Variants in CDH4 observed in about 807,000 individuals in gnomAD.
CDH4 encodes the protein cadherin-4.
Under a neutral mutation model 86.0 loss-of-function variants are expected in CDH4, and 33 were observed. The observed-to-expected ratio is 0.38, with a 90% CI of 0.29 to 0.51. The LOEUF is 0.51. Among genes scored for constraint, CDH4 ranks in the 20% least tolerant of loss-of-function variants. The pLI, the probability that CDH4 is intolerant of heterozygous loss-of-function variation, is 0.86. For synonymous variants in CDH4, 555 were observed against 549.4 expected (o/e 1.01, Z -0.14); for missense variants, 1,114 against 1,307.4 (o/e 0.85, Z 2.28).
chr20:61,648,574 C>G (rs1020187408), intron 2 of CDH4, among the ~76,000 whole-genome samples: 3 of 152,164 alleles, frequency 2.0e-5, no homozygotes, highest in African/African-American at 7.2e-5. Context: ...TTGCTCTCGC[C>G]CATCCTTTTC....
chr20:61,445,664 C>A (rs1001574812), intron 2 of CDH4, among the ~76,000 whole-genome samples: 1 of 152,182 alleles, frequency 6.6e-6, no homozygotes, highest in Admixed American at 6.5e-5. Flanking sequence ...AATTTTCTCA[C>A]CAACTTCAGA....
intron 2 of CDH4, among the ~76,000 whole-genome samples, chr20:61,309,776 A>G (rs1468151053): frequency 3.5e-5 from 2 of 57,706 alleles, no homozygotes; most frequent in Admixed American, 2.5e-4. Flanking sequence ...ACATATAGCA[A>G]GTGCCAGGCC....
chr20:61,842,830 T>C (rs1982238657), intron 4 of CDH4, among the ~76,000 whole-genome samples: 1 of 152,208 alleles, frequency 6.6e-6, no homozygotes, highest in Admixed American at 6.5e-5. Context: ...TTTGGTTTGT[T>C]GGCTGTAATT....
intron 7 of CDH4, among the ~76,000 whole-genome samples, chr20:61,886,286 G>A (rs983765170): frequency 6.6e-6 from 1 of 152,204 alleles, no homozygotes. Context: ...TATGGCCAGG[G>A]CACGCTCGAC....
At chr20:61,337,287 CACT>C (rs371717246) in intron 2 of CDH4, among the ~76,000 whole-genome samples, 2 of 162 alleles carry the variant, frequency 0.012, no homozygotes, top group East Asian at 0.17. Context: ...ATGATAATAA[CACT>C]AATGGTGATG....
chr20:61,615,212 C>T (rs771042646), intron 2 of CDH4, among the ~76,000 whole-genome samples: 22 of 151,984 alleles, frequency 1.4e-4, no homozygotes, highest in Non-Finnish European at 2.8e-4. Flanking sequence ...GCCTCCACAT[C>T]CTGGGTTCAA....
intron 2 of CDH4, among the ~76,000 whole-genome samples, chr20:61,457,626 C>T (rs1042140676): frequency 6.6e-6 from 1 of 151,902 alleles, no homozygotes; most frequent in African/African-American, 2.4e-5. Context: ...AGTGCTGGCA[C>T]TGGTGGTGGT....
chr20:61,303,394 G>A (rs912256622), intron 2 of CDH4, among the ~76,000 whole-genome samples: 1 of 152,208 alleles, frequency 6.6e-6, no homozygotes, highest in African/African-American at 2.4e-5. Context: ...GGGCAGGGGT[G>A]GGGGACAGCA....
At chr20:61,638,069 A>G (rs1328466519) in intron 2 of CDH4, among the ~76,000 whole-genome samples, 1 of 151,612 alleles carries the variant, frequency 6.6e-6, no homozygotes, top group African/African-American at 2.4e-5. Context: ...AGAGTCGGGG[A>G]GTGAGATCAC....
At chr20:61,715,713 C>T (rs188218048) in intron 2 of CDH4, among the ~76,000 whole-genome samples, 83 of 152,310 alleles carry the variant, frequency 5.4e-4, no homozygotes, top group Admixed American at 4.8e-3. Flanking sequence ...GTCTGGGGAC[C>T]CCTGAGACTG....
intron 2 of CDH4, among the ~76,000 whole-genome samples, chr20:61,730,346 C>G (rs1479621996): frequency 6.6e-6 from 1 of 152,152 alleles, no homozygotes; most frequent in Non-Finnish European, 1.5e-5. Context: ...CTCCCACGGT[C>G]CTTTCACTGT....
intron 4 of CDH4, among the ~76,000 whole-genome samples, chr20:61,778,252 G>T (rs1161055248): frequency 6.6e-6 from 1 of 152,222 alleles, no homozygotes; most frequent in African/African-American, 2.4e-5. Context: ...GGTGGTGAAT[G>T]CAGCCTGATG....
intron 4 of CDH4, among the ~76,000 whole-genome samples, chr20:61,814,250 C>T (rs369453519): frequency 3.1e-4 from 47 of 152,336 alleles, no homozygotes; most frequent in African/African-American, 8.9e-4. Context: ...AGGAACCTCA[C>T]GCTGTGACCC....
At chr20:61,667,782 T>G (rs1040489897) in intron 2 of CDH4, among the ~76,000 whole-genome samples, 1 of 152,054 alleles carries the variant, frequency 6.6e-6, no homozygotes, top group African/African-American at 2.4e-5. Flanking sequence ...GGGTCCTCGG[T>G]GAGTTTCCTG....
In CDH4 at chr20:61,623,147, G is replaced by T. The variant is rs2086793742; in HGVS notation, c.170-120416G>T. On this transcript the variant is annotated intron_variant, in intron 2 of 15. Coordinates refer to ENST00000614565, the MANE Select transcript of CDH4 (RefSeq NM_001794.5). The surrounding 1 kb of genome is among the most constrained non-coding windows in gnomAD (Gnocchi z 4.4). ...CAGAGAAGTGGAGTTTCCAGATGAG[G>T]ATGTGGAGGTGGGAGTAGAAGGGCC... Among the ~76,000 whole-genome samples the T allele has an allele frequency of 6.6e-6, 1 of 152,160 alleles. No individual in the cohort carries two copies. The highest frequency in any genetic ancestry group is 1.5e-5 in the Non-Finnish European group (1 of 68,030).
rs894617153 is a variant in CDH4, at chr20:61,708,064, G to A, written c.170-35499G>A. On this transcript the variant is annotated intron_variant, in intron 2 of 15. Coordinates refer to ENST00000614565, the MANE Select transcript of CDH4 (RefSeq NM_001794.5). The surrounding 1 kb of genome is among the most constrained non-coding windows in gnomAD (Gnocchi z 4.5). ...GAGGCAGCCCAGCTGGCTGTGCCCT[G>A]GACCCAGGACCTGGGCTCTGCTGGG... is the stretch of plus-strand genomic sequence containing the variant. Among the ~76,000 whole-genome samples, 4 of 152,132 alleles carry A rather than the reference G, an allele frequency of 2.6e-5. No homozygotes were observed. The highest frequency in any genetic ancestry group is 5.9e-5 in the Non-Finnish European group (4 of 68,004).
chr20:61,860,824 G>T (rs1193622693), intron 6 of CDH4, among the ~76,000 whole-genome samples: 1 of 152,074 alleles, frequency 6.6e-6, no homozygotes, highest in Non-Finnish European at 1.5e-5. Flanking sequence ...GGCTCCTCCT[G>T]CAGGATCCTG....
chr20:61,724,232 A>G (rs1308057426), intron 2 of CDH4, among the ~76,000 whole-genome samples: 2 of 152,134 alleles, frequency 1.3e-5, no homozygotes, highest in African/African-American at 4.8e-5. Context: ...GGGTGGACCC[A>G]GCGGGCTCCT....
At chr20:61,671,990 T>C (rs1012536904) in intron 2 of CDH4, among the ~76,000 whole-genome samples, 7 of 142,334 alleles carry the variant, frequency 4.9e-5, no homozygotes, top group African/African-American at 1.8e-4. Flanking sequence ...GATGGATGAA[T>C]AGATGGGTGG....
Sources: allele counts gnomAD v4.1 joint callset (sites outside exome capture counted in the v4.1 genomes callset), GRCh38; gene constraint gnomAD v4.1.1; non-coding constraint Gnocchi (gnomAD v3.1); transcripts MANE v1.5; gene names NCBI Gene and HGNC (gene_info 2026-07-23, HGNC 2026-07-21).